MAP3K19: variants seen among roughly 807,000 people sequenced by gnomAD.
MAP3K19 encodes the protein mitogen-activated protein kinase kinase kinase 19.
MAP3K19 carries 91 observed loss-of-function variants against 114.4 expected under a neutral mutation model. The ratio of observed to expected loss-of-function variants is 0.80; its 90% CI spans 0.67 to 0.95. The LOEUF is 0.95. MAP3K19 is among the 40% of genes least tolerant of loss of function. MAP3K19 has a pLI of 0.00. For synonymous variants in MAP3K19, 518 were observed against 530.5 expected, an observed-to-expected ratio of 0.98 and a Z score of 0.32; for missense variants, 1,471 against 1,573.2, an observed-to-expected ratio of 0.94 and a Z score of 1.10.
chr2:134,986,540 A>G lies in MAP3K19; in HGVS notation c.2332T>C (p.Ser778Pro). The G allele has an allele frequency of 1.2e-6, 2 of 1,614,162 alleles. No homozygotes were observed. Among genetic ancestry groups the G allele is most frequent in the Non-Finnish European group, 1.7e-6 (2 of 1,180,030 alleles). The change falls in exon 10 of 13, where the codon TCT (serine) becomes CCT (proline). Residue 778 changes from serine to proline, a missense_variant. Coordinates refer to ENST00000392915, the MANE Select transcript of MAP3K19 (RefSeq NM_025052.5). ...ATGGGATGAATTTCATCTTTGGAAG[A>G]TAGAAACTCATTTCCTGAAGACTTT... ...QIKSSGNEFLSSKDEIHPMNL... is the reference protein window; with the variant it reads ...QIKSSGNEFLPSKDEIHPMNL...
chr2:134,973,973 G>GT (rs1684050485), intron 12 of MAP3K19, among the ~76,000 whole-genome samples: 1 of 151,750 alleles, frequency 6.6e-6, no homozygotes, highest in Non-Finnish European at 1.5e-5. Context: ...GTTTTGTTTT[G>GT]TTTTTATGCC....
chr2:135,011,554 A>AAAAAG (rs1687235283), intron 5 of MAP3K19, among the ~76,000 whole-genome samples: 1 of 149,726 alleles, frequency 6.7e-6, no homozygotes, highest in African/African-American at 2.5e-5. Context: ...AAAAAAAAAA[A>AAAAAG]GTCTTAAAGT....
chr2:135,045,473 G>T lies in MAP3K19; in HGVS notation c.-424+1712C>A, dbSNP rs543281018. Among the ~76,000 whole-genome samples, 138 of 152,096 alleles carry T rather than the reference G, an allele frequency of 9.1e-4. 1 individual carries two copies. The highest frequency in any genetic ancestry group is 3.0e-3 in the African/African-American group (124 of 41,488). On this transcript the variant is annotated intron_variant, in intron 1 of 12. Coordinates refer to ENST00000392915, the MANE Select transcript of MAP3K19 (RefSeq NM_025052.5). ...GCAGGATCATTTCAGGGGGAAAAAAGGTTTTCCGAAACAAAGGATAATTAA... is the reference window on the plus strand; with the variant it reads ...GCAGGATCATTTCAGGGGGAAAAAATGTTTTCCGAAACAAAGGATAATTAA...
intron 12 of MAP3K19, among the ~76,000 whole-genome samples, chr2:134,973,840 T>C (rs1018343714): frequency 5.9e-5 from 9 of 152,226 alleles, no homozygotes; most frequent in African/African-American, 2.2e-4. Context: ...GGTGTAGGAC[T>C]TTCTTAAGCA....
chr2:134,999,289 G>T lies in MAP3K19; in HGVS notation c.315-292C>A, dbSNP rs181180246. On this transcript the variant is annotated intron_variant, in intron 7 of 12. Transcript: ENST00000392915. This position sits in a 1 kb window ranked among gnomAD's most constrained non-coding sequence, Gnocchi z 4.1. ...TCAGAGACCAAGGGCAGGCCTGGGGGATGTACCCTTTTATCTCCACAGGTA... is the reference window on the plus strand; with the variant it reads ...TCAGAGACCAAGGGCAGGCCTGGGGTATGTACCCTTTTATCTCCACAGGTA... Among the ~76,000 whole-genome samples, 1 of 152,222 alleles carries T rather than the reference G, an allele frequency of 6.6e-6. No individual in the cohort carries two copies. The highest frequency in any genetic ancestry group is 2.4e-5 in the African/African-American group (1 of 41,530).
chr2:135,031,158 TAAA>T (rs58623364), intron 2 of MAP3K19, among the ~76,000 whole-genome samples: 2 of 134,950 alleles, frequency 1.5e-5, no homozygotes, highest in Non-Finnish European at 3.3e-5. Flanking sequence ...GAGACATATT[TAAA>T]AAAAAAAAAA....
At chr2:134,970,122 T>C (rs1683764601) in intron 12 of MAP3K19, among the ~76,000 whole-genome samples, 1 of 152,202 alleles carries the variant, frequency 6.6e-6, no homozygotes, top group South Asian at 2.1e-4. Flanking sequence ...GAGCTCCTTT[T>C]TGGTTCCACA....
Position 135,026,579 on chromosome 2 carries a change from T to A in MAP3K19, c.-94-1838A>T, listed in dbSNP as rs187177406. Among the ~76,000 whole-genome samples, 134 of 152,280 alleles carry A rather than the reference T, an allele frequency of 8.8e-4. 10 individuals are homozygous for A. The Middle Eastern group carries it at 0.11, about 128-fold the overall frequency. ...CATCTGTTCTTATTTGATGACAAGA[T>A]AACTAAGTAACAGCTTTAGGAAACT... On this transcript the variant is annotated intron_variant, in intron 3 of 12. Transcript: ENST00000392915.
chr2:134,979,149 T>A (rs1041838747), intron 12 of MAP3K19, among the ~76,000 whole-genome samples: 2 of 152,208 alleles, frequency 1.3e-5, no homozygotes, highest in African/African-American at 4.8e-5. Context: ...TCAGGTGAGA[T>A]GCTAGGGTCC....
intron 5 of MAP3K19, among the ~76,000 whole-genome samples, chr2:135,018,646 T>TTTTTTC (rs918117107): frequency 1.3e-5 from 2 of 152,240 alleles, no homozygotes; most frequent in Non-Finnish European, 2.9e-5. Context: ...GGACCAGATC[T>TTTTTTC]TTTTTCTTTT....
chr2:134,978,058 T>C (rs144983925), intron 12 of MAP3K19, among the ~76,000 whole-genome samples: 175 of 152,266 alleles, frequency 1.1e-3, no homozygotes, highest in African/African-American at 4.1e-3. Context: ...CTTCCCTTCC[T>C]CCCTTCCCTT....
At chr2:135,017,400 C>T in intron 5 of MAP3K19, among the ~76,000 whole-genome samples, 1 of 152,212 alleles carries the variant, frequency 6.6e-6, no homozygotes, top group South Asian at 2.1e-4. Context: ...GATGCAATCT[C>T]TCTGTCAATA....
At chr2:135,040,280 T>C (rs1688621240) in intron 2 of MAP3K19, 83 bp downstream of exon 2, 1 of 152,678 alleles carries the variant, frequency 6.5e-6, no homozygotes, top group South Asian at 2.1e-4. Flanking sequence ...CAATGGGTGA[T>C]ATCACTATTC....
rs944230260 is a variant in MAP3K19 at position 135,005,314 on chromosome 2, A to G, written c.235+121T>C. On this transcript the variant is annotated intron_variant, in intron 6 of 12. Coordinates refer to ENST00000392915, the MANE Select transcript of MAP3K19 (RefSeq NM_025052.5). ...ATCCTCTCCCTCCTCCACTCCCTCTACCCTCTGATAGGCTCCAGTGTATGT... is the reference window on the plus strand; with the variant it reads ...ATCCTCTCCCTCCTCCACTCCCTCTGCCCTCTGATAGGCTCCAGTGTATGT... 1.3e-5 allele frequency: 9 copies of G among 709,666 alleles called. No homozygotes were observed. The Admixed American group carries it at 2.1e-4, about 17-fold the overall frequency. 44.0% of individuals were successfully genotyped at this position (709,666 alleles called of 1,614,324 possible). A position where few individuals can be genotyped will look rare whatever the true frequency, so the allele number is the denominator to read the frequency against.
At chr2:134,980,600 T>C (rs1315755472) in intron 12 of MAP3K19, 3 of 532,232 alleles carry the variant, frequency 5.6e-6, no homozygotes, top group African/African-American at 1.9e-5. Context: ...GACATTTAAT[T>C]GAGGCACTTT....
chr2:135,000,878 T>C (rs1438022345), intron 6 of MAP3K19, among the ~76,000 whole-genome samples: 1 of 152,120 alleles, frequency 6.6e-6, no homozygotes, highest in African/African-American at 2.4e-5. Context: ...CTCCACTAAT[T>C]AAAGGCTGGG....
rs1276190597 is a variant in MAP3K19, at chr2:134,987,011, G to A, written c.1861C>T (p.Pro621Ser). 6.2e-7 allele frequency: 1 copy of A among 1,613,360 alleles called. No individual in the cohort carries two copies. Among genetic ancestry groups the A allele is most frequent in the South Asian group, 1.1e-5 (1 of 91,080 alleles). Residue 621 changes from proline (P) to serine (S), a missense_variant, in exon 10 of 13, where the codon CCA (proline) becomes TCA (serine). Pro to Ser is a moderately conservative substitution (Grantham distance 74). Coordinates refer to ENST00000392915, the MANE Select transcript of MAP3K19 (RefSeq NM_025052.5). Reference sequence around the variant, plus strand: ...GGAACACATGACTTCTGTGTTCCTGGATTTTTACAGATGCAAGGAAATGAT... The same window carrying A: ...GGAACACATGACTTCTGTGTTCCTGAATTTTTACAGATGCAAGGAAATGAT... ...KQSFPCICKN[P>S]GTQKSCVPLS...
chr2:135,014,978 G>A, intron 5 of MAP3K19, among the ~76,000 whole-genome samples: 1 of 152,042 alleles, frequency 6.6e-6, no homozygotes, highest in East Asian at 1.9e-4. Flanking sequence ...TTCCATTTGG[G>A]GGCTATTATA....
chr2:135,007,123 C>T (rs538051859), intron 5 of MAP3K19, among the ~76,000 whole-genome samples: 1 of 151,722 alleles, frequency 6.6e-6, no homozygotes. Context: ...CATGATTGCA[C>T]CACTGCACTC....
Sources: allele counts gnomAD v4.1 joint callset (sites outside exome capture counted in the v4.1 genomes callset), GRCh38; gene constraint gnomAD v4.1.1; non-coding constraint Gnocchi (gnomAD v3.1); transcripts MANE v1.5; gene names NCBI Gene and HGNC (gene_info 2026-07-23, HGNC 2026-07-21).